Variants in RNF152 observed in about 807,000 individuals in gnomAD.
The protein encoded by RNF152 is E3 ubiquitin-protein ligase RNF152.
Under a neutral mutation model 12.7 loss-of-function variants are expected in RNF152, and 11 were observed. That is an observed-to-expected ratio of 0.86 (90% CI 0.54 to 1.43). The LOEUF (loss-of-function observed/expected upper bound fraction) is 1.43. Ranked by LOEUF, RNF152 falls within the 40% of genes most tolerant of loss-of-function variation. The probability of loss-of-function intolerance (pLI) is 0.00; values close to 1 mark genes in which losing one functional copy is unlikely to be tolerated. For synonymous variants in RNF152, 113 were observed against 120.3 expected (o/e 0.94, Z 0.40); for missense variants, 255 against 274.8 (o/e 0.93, Z 0.51).
intron 1 of RNF152, chr18:61,888,239 C>G (rs12963973): frequency 0.12 from 17,673 of 152,184 alleles, 1,329 homozygotes; most frequent in East Asian, 0.41. Flanking sequence ...CATCAAGAAC[C>G]ACCCAAAGGA....
rs9973181 is a variant in RNF152 at position 61,815,050 on chromosome 18, A to G, written c.*802T>C. 37,827 of 152,516 alleles carry G rather than the reference A, an allele frequency of 0.25. 4,841 individuals are homozygous for G. The highest frequency in any genetic ancestry group is 0.31 in the African/African-American group (12,886 of 41,474). The allele number at this position is 152,516 out of a possible 1,614,324, so 9.4% of individuals were successfully genotyped here. ...AATCAAATTAGACACACACACATAC[A>G]CACACAAATACACAATATTTACATT... On this transcript the variant is annotated 3_prime_UTR_variant, in exon 2 of 2. Transcript: ENST00000312828.
At chr18:61,844,895 C>T (rs1374029692) in intron 1 of RNF152, among the ~76,000 whole-genome samples, 1 of 152,054 alleles carries the variant, frequency 6.6e-6, no homozygotes, top group Non-Finnish European at 1.5e-5. Flanking sequence ...ATTTATTCAC[C>T]TACTCGCCCC....
intron 1 of RNF152, among the ~76,000 whole-genome samples, chr18:61,877,849 G>A (rs1330304973): frequency 6.6e-6 from 1 of 152,162 alleles, no homozygotes; most frequent in East Asian, 1.9e-4. Flanking sequence ...AAATGTCAGG[G>A]AAAGTCAGAC....
chr18:61,840,607 G>C (rs1043429766), intron 1 of RNF152, among the ~76,000 whole-genome samples: 1 of 152,082 alleles, frequency 6.6e-6, no homozygotes, highest in East Asian at 1.9e-4. Context: ...CTGGGTCCCA[G>C]GGAGCCTGAG....
intron 1 of RNF152, among the ~76,000 whole-genome samples, chr18:61,868,643 C>T (rs896090905): frequency 4.6e-5 from 7 of 152,024 alleles, no homozygotes; most frequent in Admixed American, 4.6e-4. Flanking sequence ...GCAGAGGTTG[C>T]AGTGAGCCAA....
intron 1 of RNF152, among the ~76,000 whole-genome samples, chr18:61,856,506 C>T (rs1911232429): frequency 6.6e-6 from 1 of 152,128 alleles, no homozygotes; most frequent in Non-Finnish European, 1.5e-5. Context: ...TATAAAGGGT[C>T]ATAGCTAGGA....
chr18:61,848,367 G>T (rs1910828037), intron 1 of RNF152, among the ~76,000 whole-genome samples: 1 of 152,024 alleles, frequency 6.6e-6, no homozygotes, highest in South Asian at 2.1e-4. Context: ...TTTTTTGAAT[G>T]ATTCCATAGC....
chr18:61,872,782 A>C (rs1032353667), intron 1 of RNF152, among the ~76,000 whole-genome samples: 1 of 152,214 alleles, frequency 6.6e-6, no homozygotes, highest in Non-Finnish European at 1.5e-5. Context: ...TGGTATAGAA[A>C]CAAAACAGCC....
At chr18:61,869,667 C>G (rs1911895481) in intron 1 of RNF152, among the ~76,000 whole-genome samples, 2 of 152,150 alleles carry the variant, frequency 1.3e-5, no homozygotes, top group Non-Finnish European at 2.9e-5. Context: ...AGAATAAGTA[C>G]AGGTTTTAGA....
intron 1 of RNF152, among the ~76,000 whole-genome samples, chr18:61,848,783 GC>G (rs1248453953): frequency 1.3e-5 from 2 of 152,196 alleles, no homozygotes; most frequent in Non-Finnish European, 2.9e-5. Flanking sequence ...GGGACAAGGG[GC>G]TAAGGCAGGG....
intron 1 of RNF152, among the ~76,000 whole-genome samples, chr18:61,865,331 T>A (rs1227178599): frequency 6.6e-6 from 1 of 152,188 alleles, no homozygotes; most frequent in Non-Finnish European, 1.5e-5. Context: ...GATTTAAATG[T>A]CTACTTATTT....
chr18:61,892,594 T>C (rs1382244022), intron 1 of RNF152, among the ~76,000 whole-genome samples: 1 of 152,202 alleles, frequency 6.6e-6, no homozygotes, highest in African/African-American at 2.4e-5. Flanking sequence ...ACCCTGCACC[T>C]ACCTCCAATG....
intron 1 of RNF152, among the ~76,000 whole-genome samples, chr18:61,840,191 T>C (rs1195049648): frequency 1.3e-5 from 2 of 152,222 alleles, no homozygotes; most frequent in African/African-American, 4.8e-5. Context: ...AAATGGGCTC[T>C]TACCAGACAC....
chr18:61,890,108 C>T (rs755434392), intron 1 of RNF152, among the ~76,000 whole-genome samples: 13 of 152,122 alleles, frequency 8.5e-5, no homozygotes, highest in Non-Finnish European at 1.3e-4. Context: ...TAGTAAATTA[C>T]AGGTTGGAAT....
intron 1 of RNF152, among the ~76,000 whole-genome samples, chr18:61,864,658 T>C (rs968409677): frequency 6.6e-6 from 1 of 152,144 alleles, no homozygotes; most frequent in African/African-American, 2.4e-5. Context: ...AACCCTCTAA[T>C]CACAGAGTTG....
intron 1 of RNF152, among the ~76,000 whole-genome samples, chr18:61,877,110 C>T (rs983924695): frequency 5.3e-5 from 8 of 152,314 alleles, no homozygotes; most frequent in Admixed American, 2.6e-4. Context: ...TTCCAGCCAT[C>T]GAAAGACTCA....
chr18:61,859,398 A>T (rs1911362523), intron 1 of RNF152, among the ~76,000 whole-genome samples: 2 of 152,198 alleles, frequency 1.3e-5, no homozygotes, highest in Non-Finnish European at 2.9e-5. Flanking sequence ...AGGGCTCCCA[A>T]CACATGCGTC....
intron 1 of RNF152, among the ~76,000 whole-genome samples, chr18:61,823,181 C>T (rs1909498718): frequency 6.6e-6 from 1 of 152,242 alleles, no homozygotes; most frequent in Non-Finnish European, 1.5e-5. Context: ...TTTGACAAAC[C>T]TCAACTGAGA....
At chr18:61,825,961 G>T (rs548606621) in intron 1 of RNF152, among the ~76,000 whole-genome samples, 1 of 152,114 alleles carries the variant, frequency 6.6e-6, no homozygotes, top group African/African-American at 2.4e-5. Context: ...TCTATGTCAG[G>T]GACCCACAAC....
Sources: gnomAD v4.1 joint callset for allele counts (sites outside exome capture counted in the v4.1 genomes callset) on GRCh38, gnomAD v4.1.1 for gene constraint, MANE v1.5 for transcripts, NCBI Gene and HGNC (gene_info 2026-07-23, HGNC 2026-07-21) for gene names.